Variants in SLC45A4 observed in about 807,000 individuals in gnomAD.
SLC45A4 encodes polyamine-transporter SLC45A4.
In SLC45A4, 32 loss-of-function variants were observed where a neutral mutation model predicts 63.7. That is an observed-to-expected ratio of 0.50 (90% CI 0.38 to 0.67). The LOEUF is 0.67. SLC45A4 is among the 30% of genes least tolerant of loss of function. The pLI is 0.00. For synonymous variants in SLC45A4, 535 were observed against 510.0 expected (o/e 1.05, Z -0.66); for missense variants, 1,027 against 1,157.7 (o/e 0.89, Z 1.64).
At chr8:141,288,869 T>C (rs1033325767) in intron 1 of SLC45A4, among the ~76,000 whole-genome samples, 1 of 152,212 alleles carries the variant, frequency 6.6e-6, no homozygotes, top group Admixed American at 6.5e-5. Context: ...TCTGTGGGAC[T>C]CCCCGTCCAA....
In SLC45A4 at chr8:141,256,834, T is replaced by C. The variant is rs1828816659; in HGVS notation, c.-400-2205A>G. ...CCAAACTGTCACCTTACTGCAATAT[T>C]TTTTCAAAAAACTGTGTAATGAAAC... On this transcript the variant is annotated intron_variant, in intron 1 of 8. Coordinates refer to ENST00000517878, the MANE Select transcript of SLC45A4 (RefSeq NM_001286646.2). This position sits in a 1 kb window ranked among gnomAD's most constrained non-coding sequence, Gnocchi z 4.3. The C allele has an allele frequency of 5.9e-6, 2 of 340,638 alleles. No homozygotes were observed. The highest frequency in any genetic ancestry group is 1.2e-5 in the Non-Finnish European group (2 of 170,280). 21.1% of individuals were successfully genotyped at this position (340,638 alleles called of 1,614,324 possible). A position where few individuals can be genotyped will look rare whatever the true frequency, so the allele number is the denominator to read the frequency against.
chr8:141,242,314 C>A (rs1827955656), intron 2 of SLC45A4, among the ~76,000 whole-genome samples: 1 of 152,202 alleles, frequency 6.6e-6, no homozygotes, highest in Admixed American at 6.5e-5. Context: ...AAAATAAGTA[C>A]TGGAATCACC....
At chr8:141,302,085 GACT>G (rs926164860) in intron 1 of SLC45A4, among the ~76,000 whole-genome samples, 2 of 152,114 alleles carry the variant, frequency 1.3e-5, no homozygotes, top group Admixed American at 6.5e-5. Flanking sequence ...TTAAAAGGGT[GACT>G]GATGGTAGGT....
intron 1 of SLC45A4, among the ~76,000 whole-genome samples, chr8:141,270,983 G>A (rs957950504): frequency 6.6e-6 from 1 of 152,160 alleles, no homozygotes; most frequent in African/African-American, 2.4e-5. Flanking sequence ...ACCTATAAAT[G>A]AGCAAATGAA....
intron 1 of SLC45A4, among the ~76,000 whole-genome samples, chr8:141,270,555 C>T (rs1358289468): frequency 2.0e-5 from 3 of 151,850 alleles, no homozygotes; most frequent in East Asian, 3.9e-4. Flanking sequence ...CCTGTAGTCC[C>T]AGCTACTCAG....
chr8:141,261,461 T>A (rs891728569), intron 1 of SLC45A4, among the ~76,000 whole-genome samples: 1 of 152,118 alleles, frequency 6.6e-6, no homozygotes, highest in African/African-American at 2.4e-5. Flanking sequence ...CATGATTGTA[T>A]ATCTAGAAAA....
chr8:141,242,502 C>T (rs766730916), intron 2 of SLC45A4, among the ~76,000 whole-genome samples: 7 of 152,160 alleles, frequency 4.6e-5, no homozygotes, highest in Non-Finnish European at 7.3e-5. Flanking sequence ...TCAGAAAGAA[C>T]ACCATACTCC....
At chr8:141,271,338 A>C (rs568976401) in intron 1 of SLC45A4, among the ~76,000 whole-genome samples, 1 of 152,278 alleles carries the variant, frequency 6.6e-6, no homozygotes, top group African/African-American at 2.4e-5. Flanking sequence ...CACCACACTC[A>C]ATTCTGGAAG....
In SLC45A4 at chr8:141,301,734, C is replaced by CAAA. The variant is rs564016568; in HGVS notation, c.-401+6359_-401+6361dup. Among the ~76,000 whole-genome samples, 22 of 39,582 alleles carry CAAA rather than the reference C, an allele frequency of 5.6e-4. 1 individual carries two copies. Among genetic ancestry groups the CAAA allele is most frequent in the African/African-American group, 1.2e-3 (14 of 12,040 alleles). 26.0% of individuals were successfully genotyped at this position (39,582 alleles called of 152,430 possible). ...TGGGGGACAGAATGAGACCCTATCT[C>CAAA]AAAAAAAAAAAAAAAAAAAAAAAAA... On this transcript the variant is annotated intron_variant, in intron 1 of 8. Coordinates refer to ENST00000517878, the MANE Select transcript of SLC45A4 (RefSeq NM_001286646.2).
intron 6 of SLC45A4, among the ~76,000 whole-genome samples, chr8:141,216,815 CGT>C (rs1826182402): frequency 6.6e-6 from 1 of 152,208 alleles, no homozygotes; most frequent in South Asian, 2.1e-4. Flanking sequence ...GCACCATTGA[CGT>C]GGGACAGCAT....
At chr8:141,261,727 TACAA>T (rs1829043777) in intron 1 of SLC45A4, among the ~76,000 whole-genome samples, 1 of 151,684 alleles carries the variant, frequency 6.6e-6, no homozygotes, top group Non-Finnish European at 1.5e-5. Context: ...TAAAAGAGGA[TACAA>T]ACAAATGGAA....
chr8:141,241,353 A>C (rs1425479299), intron 2 of SLC45A4, among the ~76,000 whole-genome samples: 1 of 151,964 alleles, frequency 6.6e-6, no homozygotes, highest in East Asian at 1.9e-4. Context: ...GGCGAGGTCC[A>C]AGGACGCTTG....
intron 1 of SLC45A4, among the ~76,000 whole-genome samples, chr8:141,303,935 G>C (rs1033356316): frequency 3.3e-5 from 5 of 152,200 alleles, no homozygotes; most frequent in African/African-American, 1.2e-4. Context: ...AATCCCTTCA[G>C]CTGCCTCAGG....
At chr8:141,216,484 G>A (rs1350036158) in intron 6 of SLC45A4, among the ~76,000 whole-genome samples, 2 of 152,214 alleles carry the variant, frequency 1.3e-5, no homozygotes, top group South Asian at 2.1e-4. Flanking sequence ...CTGTTCAAGC[G>A]GTGACAATGC....
intron 1 of SLC45A4, among the ~76,000 whole-genome samples, chr8:141,290,869 G>A (rs2154615282): frequency 6.6e-6 from 1 of 152,362 alleles, no homozygotes; most frequent in African/African-American, 2.4e-5. Context: ...TTTTGTTTGA[G>A]ACTGGGTCTC....
intron 1 of SLC45A4, among the ~76,000 whole-genome samples, chr8:141,279,229 G>A (rs965471473): frequency 5.9e-5 from 9 of 152,246 alleles, no homozygotes; most frequent in Admixed American, 3.3e-4. Context: ...CGTGCCAGGC[G>A]GCCTTTCCTT....
chr8:141,234,600 C>G (rs534208253), intron 2 of SLC45A4, among the ~76,000 whole-genome samples: 5 of 152,332 alleles, frequency 3.3e-5, no homozygotes, highest in Admixed American at 2.0e-4. Flanking sequence ...GGGAGTGTTA[C>G]TTGCCAGCTT....
intron 1 of SLC45A4, among the ~76,000 whole-genome samples, chr8:141,282,230 A>AG (rs985967089): frequency 5.3e-5 from 8 of 152,276 alleles, no homozygotes; most frequent in Admixed American, 4.6e-4. Context: ...CGGGAGGCCA[A>AG]GGGGGGGCCC....
At chr8:141,236,099 G>A (rs1271932753) in intron 2 of SLC45A4, among the ~76,000 whole-genome samples, 2 of 152,098 alleles carry the variant, frequency 1.3e-5, no homozygotes, top group African/African-American at 4.8e-5. Context: ...GCAAGACTCC[G>A]TCTCAAAAAC....
Sources: allele counts gnomAD v4.1 joint callset (sites outside exome capture counted in the v4.1 genomes callset), GRCh38; gene constraint gnomAD v4.1.1; non-coding constraint Gnocchi (gnomAD v3.1); transcripts MANE v1.5; gene names NCBI Gene and HGNC (gene_info 2026-07-23, HGNC 2026-07-21).